Variants in ZNF385D observed in about 807,000 individuals in gnomAD.
ZNF385D encodes zinc finger protein 659.
ZNF385D carries 15 observed loss-of-function variants against 35.8 expected under a neutral mutation model. That is an observed-to-expected ratio of 0.42 (90% confidence interval 0.28 to 0.64). The LOEUF (loss-of-function observed/expected upper bound fraction) is 0.64. Among genes scored for constraint, ZNF385D ranks in the 30% least tolerant of loss-of-function variants. The probability of loss-of-function intolerance (pLI) is 0.23; values close to 1 mark genes in which losing one functional copy is unlikely to be tolerated. For synonymous variants in ZNF385D, 212 were observed against 186.8 expected (o/e 1.13, Z -1.10); for missense variants, 474 against 494.6 (o/e 0.96, Z 0.39).
intron 3 of ZNF385D, among the ~76,000 whole-genome samples, chr3:21,992,401 A>G (rs541484978): frequency 1.3e-5 from 2 of 152,160 alleles, no homozygotes; most frequent in Non-Finnish European, 1.5e-5. Flanking sequence ...TGGAGGAGGT[A>G]GAATAACCGT....
intron 2 of ZNF385D, among the ~76,000 whole-genome samples, chr3:22,235,085 A>G (rs1246523319): frequency 6.6e-6 from 1 of 152,060 alleles, no homozygotes; most frequent in African/African-American, 2.4e-5. Context: ...TTGTTGGTCA[A>G]TAATTTCTGA....
intron 2 of ZNF385D, among the ~76,000 whole-genome samples, chr3:21,644,837 T>C (rs2065706071): frequency 6.6e-6 from 1 of 152,136 alleles, no homozygotes; most frequent in African/African-American, 2.4e-5. Flanking sequence ...CATTATTGTG[T>C]AAAAGTGACT....
intron 2 of ZNF385D, among the ~76,000 whole-genome samples, chr3:22,340,740 A>G (rs146286800): frequency 1.3e-5 from 2 of 152,324 alleles, no homozygotes; most frequent in African/African-American, 4.8e-5. Context: ...GTGTCTCCTT[A>G]CATTCACATG....
At chr3:21,430,167 TTA>T (rs1198952843) in intron 5 of ZNF385D, among the ~76,000 whole-genome samples, 2 of 152,106 alleles carry the variant, frequency 1.3e-5, no homozygotes, top group African/African-American at 4.8e-5. Flanking sequence ...TTGGTTTACA[TTA>T]TCAGAATATC....
chr3:21,744,096 G>A (rs1162905165), intron 1 of ZNF385D, among the ~76,000 whole-genome samples: 1 of 152,030 alleles, frequency 6.6e-6, no homozygotes, highest in African/African-American at 2.4e-5. Flanking sequence ...TTGACATAGA[G>A]TCTACACCTT....
intron 3 of ZNF385D, among the ~76,000 whole-genome samples, chr3:22,076,630 T>C (rs1034343825): frequency 5.3e-5 from 8 of 152,056 alleles, no homozygotes; most frequent in African/African-American, 1.7e-4. Flanking sequence ...CAAGGACACG[T>C]CTGTGGTTCA....
intron 3 of ZNF385D, among the ~76,000 whole-genome samples, chr3:21,949,116 T>G (rs1345254531): frequency 6.6e-6 from 1 of 152,226 alleles, no homozygotes; most frequent in Admixed American, 6.5e-5. Flanking sequence ...TTCATTTGTT[T>G]TGTGACAATT....
intron 7 of ZNF385D, among the ~76,000 whole-genome samples, chr3:21,422,485 C>G (rs1320441699): frequency 6.6e-6 from 1 of 152,136 alleles, no homozygotes; most frequent in East Asian, 1.9e-4. Context: ...CTCCCTAACT[C>G]ATTCTATGAG....
intron 4 of ZNF385D, among the ~76,000 whole-genome samples, chr3:21,462,827 T>C (rs1703261877): frequency 1.3e-5 from 2 of 151,672 alleles, no homozygotes; most frequent in South Asian, 4.2e-4. Flanking sequence ...ACTAAATATA[T>C]AAAAATTAGC....
At chr3:21,668,472 C>G (rs888604394) in intron 1 of ZNF385D, among the ~76,000 whole-genome samples, 9 of 152,162 alleles carry the variant, frequency 5.9e-5, no homozygotes. Context: ...TGAGCACTCC[C>G]TAATAAAGTC....
chr3:22,041,257 C>T (rs1698646266), intron 3 of ZNF385D, among the ~76,000 whole-genome samples: 1 of 152,048 alleles, frequency 6.6e-6, no homozygotes. Flanking sequence ...ATCATTAGCT[C>T]TGAAATAGGC....
intron 3 of ZNF385D, among the ~76,000 whole-genome samples, chr3:22,041,249 C>T (rs1359178407): frequency 1.3e-5 from 2 of 152,044 alleles, no homozygotes; most frequent in African/African-American, 2.4e-5. Flanking sequence ...GGTTGCATAT[C>T]ATTAGCTCTG....
chr3:21,989,846 G>A (rs1428812810), intron 3 of ZNF385D, among the ~76,000 whole-genome samples: 1 of 152,106 alleles, frequency 6.6e-6, no homozygotes, highest in East Asian at 1.9e-4. Flanking sequence ...ACTTTCACAT[G>A]TCTGTTGATG....
intron 3 of ZNF385D, among the ~76,000 whole-genome samples, chr3:22,038,170 G>A (rs554883103): frequency 1.4e-4 from 21 of 152,262 alleles, no homozygotes; most frequent in East Asian, 3.9e-4. Flanking sequence ...GCTGAACTAC[G>A]AAGTGTAGGA....
At chr3:22,135,265 G>C (rs1446474056) in intron 3 of ZNF385D, among the ~76,000 whole-genome samples, 1 of 151,998 alleles carries the variant, frequency 6.6e-6, no homozygotes, top group African/African-American at 2.4e-5. Flanking sequence ...TAACTAGTAA[G>C]AGAGCTCAGC....
At chr3:21,770,413 CA>C (rs1275780663) in intron 3 of ZNF385D, among the ~76,000 whole-genome samples, 8 of 152,194 alleles carry the variant, frequency 5.3e-5, no homozygotes, top group African/African-American at 1.4e-4. Flanking sequence ...GGAACCCCAT[CA>C]AAAAGTGGGC....
At chr3:21,763,944 A>G (rs539191269) in intron 3 of ZNF385D, among the ~76,000 whole-genome samples, 1 of 152,318 alleles carries the variant, frequency 6.6e-6, no homozygotes, top group South Asian at 2.1e-4. Flanking sequence ...TACTGGAGTA[A>G]CTAAGACAGA....
rs571301409 is a variant in ZNF385D at position 22,227,164 on chromosome 3, G to GTA, written c.107-58131_107-58130dup. On this transcript the variant is annotated intron_variant, in intron 2 of 5. Transcript: ENST00000494108. ...TAATATTTTGATCATATATATGTGTGTATATATATGTGTATGTGGGGCGGG... is the reference window on the plus strand; with the variant it reads ...TAATATTTTGATCATATATATGTGTGTATATATATATGTGTATGTGGGGCGGG... Among the ~76,000 whole-genome samples, 727 of 151,462 alleles carry GTA rather than the reference G, an allele frequency of 4.8e-3. 9 individuals carry two copies. The highest frequency in any genetic ancestry group is 5.5e-3 in the Non-Finnish European group (374 of 67,988).
chr3:22,188,014 T>C (rs543713927), intron 2 of ZNF385D, among the ~76,000 whole-genome samples: 4 of 152,278 alleles, frequency 2.6e-5, no homozygotes, highest in African/African-American at 7.2e-5. Flanking sequence ...CCTGTTAGAA[T>C]TCATGAAGCT....
Sources: gnomAD v4.1 joint callset for allele counts (sites outside exome capture counted in the v4.1 genomes callset) on GRCh38, gnomAD v4.1.1 for gene constraint, MANE v1.5 for transcripts, NCBI Gene and HGNC (gene_info 2026-07-23, HGNC 2026-07-21) for gene names.